The following SIPA1L3 variants were observed in gnomAD, a reference collection of about 807,000 sequenced individuals.
The protein encoded by SIPA1L3 is signal induced proliferation associated 1 like 3.
A neutral mutation model predicts 150.1 loss-of-function variants in SIPA1L3; 59 were observed. The ratio of observed to expected loss-of-function variants is 0.39; its 90% CI spans 0.32 to 0.49. The LOEUF is 0.49. SIPA1L3 is among the 20% of genes least tolerant of loss of function. The pLI is 0.86. For missense variants in SIPA1L3, 2,211 were observed against 2,489.5 expected (o/e 0.89, Z 2.38); for synonymous variants, 1,070 against 1,077.6 (o/e 0.99, Z 0.14).
chr19:38,008,523 C>A (rs1339042411), intron 1 of SIPA1L3, among the ~76,000 whole-genome samples: 3 of 152,076 alleles, frequency 2.0e-5, no homozygotes, highest in African/African-American at 4.8e-5. Flanking sequence ...GCCACCGCTC[C>A]TGGCTAGGCT....
intron 7 of SIPA1L3, chr19:38,109,831 T>C (rs2145875440): frequency 5.4e-6 from 1 of 186,528 alleles, no homozygotes. Context: ...TGTTAAGTAA[T>C]GGGGACAGAA....
intron 2 of SIPA1L3, among the ~76,000 whole-genome samples, chr19:38,030,168 T>C (rs776975722): frequency 3.9e-5 from 6 of 152,228 alleles, no homozygotes; most frequent in Non-Finnish European, 7.4e-5. Context: ...TACAGTTCTT[T>C]GAATGGAGAC....
chr19:37,929,810 A>G (rs1291369622), intron 1 of SIPA1L3, among the ~76,000 whole-genome samples: 1 of 152,078 alleles, frequency 6.6e-6, no homozygotes, highest in Non-Finnish European at 1.5e-5. Context: ...TGCTATTAAC[A>G]TATTAAATGT....
chr19:38,143,395 C>T (rs1344495336), intron 12 of SIPA1L3, among the ~76,000 whole-genome samples: 1 of 152,016 alleles, frequency 6.6e-6, no homozygotes, highest in East Asian at 1.9e-4. Context: ...TTGCAGTGGT[C>T]CTCCTCCTGA....
intron 1 of SIPA1L3, among the ~76,000 whole-genome samples, chr19:37,926,952 G>T (rs528255341): frequency 1.3e-5 from 2 of 151,824 alleles, no homozygotes; most frequent in Non-Finnish European, 2.9e-5. Context: ...TGCAGATGAG[G>T]TAACTAAATT....
At chr19:38,008,624 A>G (rs1968022897) in intron 1 of SIPA1L3, among the ~76,000 whole-genome samples, 1 of 151,722 alleles carries the variant, frequency 6.6e-6, no homozygotes, top group Non-Finnish European at 1.5e-5. Context: ...TGATGGGATC[A>G]TAGCTCGCTG....
intron 1 of SIPA1L3, among the ~76,000 whole-genome samples, chr19:38,018,264 A>G (rs1332802528): frequency 6.7e-6 from 1 of 148,400 alleles, no homozygotes; most frequent in African/African-American, 2.5e-5. Context: ...CCCAGGTTCA[A>G]GTGATTCTCA....
At chr19:38,151,640 G>A (rs1306442552) in intron 12 of SIPA1L3, among the ~76,000 whole-genome samples, 11 of 152,110 alleles carry the variant, frequency 7.2e-5, no homozygotes, top group Non-Finnish European at 1.5e-4. Flanking sequence ...GTTAGGAAGT[G>A]TCTACAAGAT....
At chr19:37,968,063 CTCTTTCTT>C (rs74174499) in intron 1 of SIPA1L3, among the ~76,000 whole-genome samples, 4 of 143,458 alleles carry the variant, frequency 2.8e-5, no homozygotes, top group Non-Finnish European at 4.5e-5. Context: ...ATGGCCTCAT[CTCTTTCTT>C]TCTTTCTTTC....
At chr19:37,945,335 A>C (rs2046700788) in intron 1 of SIPA1L3, among the ~76,000 whole-genome samples, 1 of 151,966 alleles carries the variant, frequency 6.6e-6, no homozygotes, top group African/African-American at 2.4e-5. Flanking sequence ...CCCAGGTTCA[A>C]GTGATTCTCC....
chr19:38,106,631 C>G lies in SIPA1L3; in HGVS notation c.2124C>G (p.Asn708Lys). The G allele has an allele frequency of 1.2e-6, 2 of 1,610,468 alleles. No homozygotes were observed. The highest frequency in any genetic ancestry group is 4.5e-5 in the East Asian group (2 of 44,858). The change falls in exon 7 of 22, where the codon AAC becomes AAG. Residue 708 changes from asparagine to lysine, a missense_variant. Physicochemically the swap from Asn to Lys is moderately conservative, Grantham distance 94. Transcript: ENST00000222345. ...CCCTGCTCCCTTACACCCCCAACAA[C>G]AGGCAGCAGGTCAGTGATTTTCAGC... is the stretch of plus-strand genomic sequence containing the variant. ...VSTLLPYTPN[N>K]RQQLLRKRHI...
At position 38,119,758 on chromosome 19, in the gene SIPA1L3, A is replaced by G. The variant is rs1476159826; in HGVS notation, c.2744A>G (p.Asp915Gly). Residue 915 changes from aspartate to glycine, a missense_variant, in exon 9 of 22, where the codon GAT becomes GGT. Asp to Gly is a moderately conservative substitution (Grantham distance 94). Coordinates refer to ENST00000222345, the MANE Select transcript of SIPA1L3 (RefSeq NM_015073.3). ...GTGGTGTTCAACTGCTACTGCGGGGATGTCATTGGCTGGACTCCAGACTCC... is the reference window on the plus strand; with the variant it reads ...GTGGTGTTCAACTGCTACTGCGGGGGTGTCATTGGCTGGACTCCAGACTCC... ...KEVVFNCYCG[D>G]VIGWTPDSST... is the part of the protein sequence containing the mutation. 1.2e-6 allele frequency: 2 copies of G among 1,613,804 alleles called. No homozygotes were observed. Among genetic ancestry groups the G allele is most frequent in the Admixed American group, 3.3e-5 (2 of 59,988 alleles).
chr19:38,082,521 G>T lies in SIPA1L3; in HGVS notation c.956G>T (p.Gly319Val). 1 of 1,598,510 alleles carries T rather than the reference G, an allele frequency of 6.3e-7. No individual in the cohort carries two copies. Residue 319 changes from glycine to valine, a missense_variant, in exon 3 of 22, where the codon GGG becomes GTG. Around this residue, in one of 5 missense-constraint regions of SIPA1L3, gnomAD observed 587 missense variants for 534.5 expected, o/e 1.10. Transcript: ENST00000222345. The part of the protein sequence containing the change: ...KPEGEAGRSP[G>V]EADEGRSPPE... ...GAGGGGGAGGCTGGGCGTTCCCCGG[G>T]GGAGGCCGACGAGGGCCGGAGCCCC... is the stretch of plus-strand genomic sequence containing the variant.
At chr19:38,159,649 C>G (rs1005849189) in intron 13 of SIPA1L3, among the ~76,000 whole-genome samples, 1 of 152,244 alleles carries the variant, frequency 6.6e-6, no homozygotes. Context: ...TAGGCCAATC[C>G]GAGCCACACG....
intron 1 of SIPA1L3, among the ~76,000 whole-genome samples, chr19:37,954,856 G>A (rs377280441): frequency 6.6e-6 from 1 of 152,146 alleles, no homozygotes; most frequent in Non-Finnish European, 1.5e-5. Flanking sequence ...GGAGGCCAAG[G>A]CAGGCAGATC....
Position 38,039,693 on chromosome 19 carries a change from CAAA to C in SIPA1L3, c.-311+10558_-311+10560del, listed in dbSNP as rs60084757. The stretch of plus-strand genomic sequence containing the variant: ...TGGGCAACAGAGCAAGACTCTGTCT[CAAA>C]AAAAAAAAAAAAAAAAAAAAGTTTG... On this transcript the variant is annotated intron_variant, in intron 2 of 21. Coordinates refer to ENST00000222345, the MANE Select transcript of SIPA1L3 (RefSeq NM_015073.3). Among the ~76,000 whole-genome samples, 475 of 73,534 alleles carry C rather than the reference CAAA, an allele frequency of 6.5e-3. 3 individuals carry two copies. The highest frequency in any genetic ancestry group is 0.02 in the African/African-American group (368 of 18,738). 48.2% of individuals were successfully genotyped at this position (73,534 alleles called of 152,430 possible). A position where few individuals can be genotyped will look rare whatever the true frequency, so the allele number is the denominator to read the frequency against.
At chr19:37,970,906 C>T (rs1052160647) in intron 1 of SIPA1L3, among the ~76,000 whole-genome samples, 6 of 152,210 alleles carry the variant, frequency 3.9e-5, no homozygotes, top group African/African-American at 9.7e-5. Context: ...AGGCCCCTGC[C>T]GTCTTGTTGC....
intron 1 of SIPA1L3, among the ~76,000 whole-genome samples, chr19:37,957,518 T>C (rs1329131472): frequency 6.6e-6 from 1 of 152,176 alleles, no homozygotes; most frequent in Non-Finnish European, 1.5e-5. Context: ...TTATGTATTT[T>C]TTTTATGCTA....
At chr19:38,176,633 CT>C (rs1196078432) in intron 15 of SIPA1L3, among the ~76,000 whole-genome samples, 1 of 152,142 alleles carries the variant, frequency 6.6e-6, no homozygotes, top group African/African-American at 2.4e-5. Context: ...GTGTACACTC[CT>C]CCAGAGATTT....
Sources: gnomAD v4.1 joint callset for allele counts (sites outside exome capture counted in the v4.1 genomes callset) on GRCh38, gnomAD v4.1.1 for gene constraint, gnomAD v4.1.1 regional missense constraint, MANE v1.5 for transcripts, NCBI Gene and HGNC (gene_info 2026-07-23, HGNC 2026-07-21) for gene names.